SGCZ: variants seen among roughly 807,000 people sequenced by gnomAD.
SGCZ encodes zeta-sarcoglycan.
Under a neutral mutation model 41.3 loss-of-function variants are expected in SGCZ, and 40 were observed. The observed-to-expected ratio is 0.97, with a 90% confidence interval of 0.75 to 1.26. The LOEUF (loss-of-function observed/expected upper bound fraction) is 1.26. Among genes scored for constraint, SGCZ ranks in the 50% most tolerant of loss-of-function variants. The pLI, the probability that SGCZ is intolerant of heterozygous loss-of-function variation, is 0.00. For missense variants in SGCZ, 552 were observed against 369.8 expected, an observed-to-expected ratio of 1.49 and a Z score of -4.04; for synonymous variants, 206 against 137.5, an observed-to-expected ratio of 1.50 and a Z score of -3.49.
chr8:14,679,185 A>C (rs1585176560), intron 1 of SGCZ, among the ~76,000 whole-genome samples: 1 of 152,172 alleles, frequency 6.6e-6, no homozygotes, highest in African/African-American at 2.4e-5. Flanking sequence ...AATACATAAT[A>C]CTTGATAATG....
chr8:14,703,730 T>C (rs1453709795), intron 1 of SGCZ, among the ~76,000 whole-genome samples: 3 of 151,942 alleles, frequency 2.0e-5, no homozygotes, highest in African/African-American at 7.2e-5. Context: ...TAAAATGACT[T>C]TAGTGGCTGT....
intron 3 of SGCZ, among the ~76,000 whole-genome samples, chr8:14,287,576 C>A (rs1039969528): frequency 7.2e-5 from 11 of 152,074 alleles, no homozygotes; most frequent in Non-Finnish European, 1.5e-4. Context: ...ACAAAATGCT[C>A]TTTGAACTAG....
intron 2 of SGCZ, among the ~76,000 whole-genome samples, chr8:14,473,799 G>C (rs1025839155): frequency 5.9e-5 from 9 of 151,888 alleles, no homozygotes; most frequent in Non-Finnish European, 1.0e-4. Flanking sequence ...TTAGCCAGGC[G>C]TGGTGGCGGG....
intron 5 of SGCZ, among the ~76,000 whole-genome samples, chr8:14,163,892 G>A (rs911862160): frequency 1.3e-5 from 2 of 152,014 alleles, no homozygotes; most frequent in Admixed American, 1.3e-4. Context: ...AGACCTCCTT[G>A]GGTACTTTCA....
intron 2 of SGCZ, among the ~76,000 whole-genome samples, chr8:14,541,939 G>A (rs986447565): frequency 2.6e-5 from 4 of 152,072 alleles, no homozygotes; most frequent in Non-Finnish European, 5.9e-5. Context: ...CTTTTCAAAA[G>A]TGTCTGTTCA....
chr8:14,905,483 A>C (rs1333277708), intron 1 of SGCZ, among the ~76,000 whole-genome samples: 2 of 152,104 alleles, frequency 1.3e-5, no homozygotes, highest in African/African-American at 2.4e-5. Context: ...ATTGGAATTG[A>C]AACTTGGAGA....
At chr8:14,596,499 A>G (rs1166327088) in intron 1 of SGCZ, among the ~76,000 whole-genome samples, 1 of 152,206 alleles carries the variant, frequency 6.6e-6, no homozygotes, top group Non-Finnish European at 1.5e-5. Context: ...TATGGTTTAA[A>G]TAATAATAAA....
intron 1 of SGCZ, among the ~76,000 whole-genome samples, chr8:15,069,235 T>C (rs1031947613): frequency 6.6e-6 from 1 of 152,190 alleles, no homozygotes. Flanking sequence ...GGTCTTGTTA[T>C]GATGCCCAGG....
rs539590685 is a variant in SGCZ, at chr8:14,444,742, G to A, written c.234+109990C>T. On this transcript the variant is annotated intron_variant, in intron 2 of 7. Coordinates refer to ENST00000382080, the MANE Select transcript of SGCZ (RefSeq NM_139167.4). ...ACGAGTTAATGGGTGCAGCACACCC[G>A]CATGGCACATGTATACATATGTAAC... Among the ~76,000 whole-genome samples the A allele has an allele frequency of 3.0e-4, 46 of 151,986 alleles. No homozygotes were observed. The East Asian group carries it at 5.4e-3, about 18-fold the overall frequency.
chr8:14,923,004 A>T (rs1233929405), intron 1 of SGCZ, among the ~76,000 whole-genome samples: 2 of 152,196 alleles, frequency 1.3e-5, no homozygotes, highest in Non-Finnish European at 2.9e-5. Context: ...GAGCTTCTAC[A>T]CATTAGGTTT....
At chr8:15,227,582 C>T (rs1178294584) in intron 1 of SGCZ, among the ~76,000 whole-genome samples, 2 of 152,160 alleles carry the variant, frequency 1.3e-5, no homozygotes, top group Non-Finnish European at 2.9e-5. Flanking sequence ...TATTTGGAGT[C>T]ATTCTTTCTC....
At chr8:14,441,848 A>T (rs1242102838) in intron 2 of SGCZ, among the ~76,000 whole-genome samples, 1 of 152,142 alleles carries the variant, frequency 6.6e-6, no homozygotes, top group African/African-American at 2.4e-5. Flanking sequence ...TGACTCTGGT[A>T]TTCTGACCTG....
chr8:14,401,395 T>A (rs1211334131), intron 2 of SGCZ, among the ~76,000 whole-genome samples: 1 of 149,952 alleles, frequency 6.7e-6, no homozygotes, highest in East Asian at 2.0e-4. Context: ...CAATAACTCG[T>A]CATCTAGCAT....
intron 4 of SGCZ, among the ~76,000 whole-genome samples, chr8:14,193,749 T>C (rs1805179828): frequency 6.6e-6 from 1 of 151,984 alleles, no homozygotes; most frequent in African/African-American, 2.4e-5. Context: ...ATCTAACTTG[T>C]CTGAATGTCT....
At chr8:14,182,958 C>A (rs959065370) in intron 4 of SGCZ, among the ~76,000 whole-genome samples, 1 of 148,274 alleles carries the variant, frequency 6.7e-6, no homozygotes, top group Non-Finnish European at 1.5e-5. Context: ...TGCAGTGAGC[C>A]GAGATCGTGC....
At chr8:15,063,178 A>G (rs767457526) in intron 1 of SGCZ, among the ~76,000 whole-genome samples, 2 of 152,120 alleles carry the variant, frequency 1.3e-5, no homozygotes, top group Non-Finnish European at 2.9e-5. Context: ...GATAGACTTC[A>G]TTTTCTTTGG....
At chr8:15,081,064 C>G (rs573736686) in intron 1 of SGCZ, among the ~76,000 whole-genome samples, 2 of 152,230 alleles carry the variant, frequency 1.3e-5, no homozygotes, top group East Asian at 3.9e-4. Flanking sequence ...TCCAAAATCA[C>G]AAGAACATAA....
At position 14,644,842 on chromosome 8, in the gene SGCZ, A is replaced by C. The variant is rs151225630; in HGVS notation, c.40-89916T>G. ...GAATTAGTTGATTTAAGTTATGGGG[A>C]AATTAGTCAAACATTTTGATGACGA... On this transcript the variant is annotated intron_variant, in intron 1 of 7. Coordinates refer to ENST00000382080, the MANE Select transcript of SGCZ (RefSeq NM_139167.4). Among the ~76,000 whole-genome samples the C allele has an allele frequency of 7.2e-3, 1,094 of 151,830 alleles. 15 individuals are homozygous for C. The highest frequency in any genetic ancestry group is 0.025 in the African/African-American group (1,051 of 41,472).
At chr8:14,490,970 T>C (rs62498372) in intron 2 of SGCZ, among the ~76,000 whole-genome samples, 2,955 of 152,330 alleles carry the variant, frequency 0.019, 60 homozygotes, top group African/African-American at 0.048. Flanking sequence ...CCGATATTCA[T>C]CAAAAATTAA....
Sources: allele counts gnomAD v4.1 joint callset (sites outside exome capture counted in the v4.1 genomes callset), GRCh38; gene constraint gnomAD v4.1.1; transcripts MANE v1.5; gene names NCBI Gene and HGNC (gene_info 2026-07-23, HGNC 2026-07-21).